THSD7B: variants seen among roughly 807,000 people sequenced by gnomAD.
The protein encoded by THSD7B is thrombospondin type 1 domain containing 7B, also known as thrombospondin type-1 domain-containing protein 7B.
THSD7B carries 138 observed loss-of-function variants against 213.6 expected under a neutral mutation model. That is an observed-to-expected ratio of 0.65 (90% CI 0.56 to 0.74). The LOEUF is 0.74. THSD7B is among the 30% of genes least tolerant of loss of function. The pLI, the probability that THSD7B is intolerant of heterozygous loss-of-function variation, is 0.00. For missense variants in THSD7B, 1,931 were observed against 1,991.5 expected (o/e 0.97, Z 0.58); for synonymous variants, 742 against 687.0 (o/e 1.08, Z -1.25).
chr2:136,936,097 A>G (rs1438645335), intron 2 of THSD7B, among the ~76,000 whole-genome samples: 2 of 151,790 alleles, frequency 1.3e-5, no homozygotes, highest in Non-Finnish European at 2.9e-5. Flanking sequence ...TACCCATTTA[A>G]TGCAAATCAA....
chr2:137,283,315 G>C (rs975275493), intron 12 of THSD7B, among the ~76,000 whole-genome samples: 2 of 152,120 alleles, frequency 1.3e-5, no homozygotes, highest in African/African-American at 4.8e-5. Flanking sequence ...CTGAGATGAT[G>C]GGGTTTTCTA....
intron 1 of THSD7B, among the ~76,000 whole-genome samples, chr2:136,806,459 G>A (rs1190356739): frequency 6.6e-6 from 1 of 152,132 alleles, no homozygotes; most frequent in Non-Finnish European, 1.5e-5. Flanking sequence ...GTACATTTAG[G>A]ATACTTAATA....
chr2:137,160,858 G>A (rs192358439), intron 6 of THSD7B, among the ~76,000 whole-genome samples: 1 of 152,128 alleles, frequency 6.6e-6, no homozygotes, highest in East Asian at 1.9e-4. Flanking sequence ...TCCTGACCTC[G>A]TGATCTGCCC....
intron 11 of THSD7B, among the ~76,000 whole-genome samples, chr2:137,275,530 C>G (rs934073056): frequency 2.7e-5 from 4 of 149,950 alleles, no homozygotes; most frequent in African/African-American, 9.8e-5. Context: ...CTCTTGTTTT[C>G]TTGTATTGTT....
chr2:136,817,536 T>G (rs1464753311), intron 1 of THSD7B, among the ~76,000 whole-genome samples: 2 of 149,680 alleles, frequency 1.3e-5, no homozygotes, highest in Non-Finnish European at 3.0e-5. Context: ...AATTGATTTT[T>G]GTATAAGGTG....
intron 2 of THSD7B, among the ~76,000 whole-genome samples, chr2:136,888,205 A>AG (rs2104997112): frequency 6.6e-6 from 1 of 152,244 alleles, no homozygotes; most frequent in African/African-American, 2.4e-5. Context: ...AAACTCTAGG[A>AG]AAGTTTTAAT....
chr2:137,427,066 C>T (rs1687076835), intron 14 of THSD7B, among the ~76,000 whole-genome samples: 1 of 151,968 alleles, frequency 6.6e-6, no homozygotes, highest in Admixed American at 6.6e-5. Context: ...CACTCGTTAT[C>T]AGAGAAATGG....
At chr2:137,402,204 A>T (rs1408291555) in intron 12 of THSD7B, among the ~76,000 whole-genome samples, 2 of 152,236 alleles carry the variant, frequency 1.3e-5, no homozygotes. Flanking sequence ...ATACTAGGGC[A>T]TGAAGAATTA....
chr2:137,633,471 TTGAG>T (rs1329319445), intron 20 of THSD7B, among the ~76,000 whole-genome samples: 2 of 152,102 alleles, frequency 1.3e-5, no homozygotes, highest in Admixed American at 1.3e-4. Flanking sequence ...TCAAACTAGT[TTGAG>T]TGGCCTAATA....
intron 20 of THSD7B, among the ~76,000 whole-genome samples, chr2:137,629,601 A>G (rs1033850516): frequency 4.6e-5 from 7 of 152,210 alleles, no homozygotes; most frequent in African/African-American, 1.2e-4. Flanking sequence ...AATCCTTAGA[A>G]TAATAAACAA....
rs193001791 is a variant in THSD7B, at chr2:137,627,962, T to C, written c.3799+7236T>C. Among the ~76,000 whole-genome samples the C allele has an allele frequency of 1.5e-3, 236 of 152,354 alleles. 3 individuals are homozygous for C. The highest frequency in any genetic ancestry group is 2.9e-4 in the Non-Finnish European group (20 of 68,024). On this transcript the variant is annotated intron_variant, in intron 20 of 27. Transcript: ENST00000409968. ...AAAGTTGTGTAAATCTAACTTCAAA[T>C]GTAGCTGTTTAAGCAATTAGCTGAA...
At chr2:137,534,022 A>T (rs900225282) in intron 15 of THSD7B, among the ~76,000 whole-genome samples, 3 of 96,764 alleles carry the variant, frequency 3.1e-5, no homozygotes, top group African/African-American at 1.0e-4. Flanking sequence ...GTGCGCGCAC[A>T]CACACACACA....
At chr2:137,088,283 A>G (rs1462670981) in intron 3 of THSD7B, among the ~76,000 whole-genome samples, 2 of 151,926 alleles carry the variant, frequency 1.3e-5, no homozygotes, top group African/African-American at 2.4e-5. Flanking sequence ...AAAAAGGTGC[A>G]TAGACCAATG....
intron 7 of THSD7B, among the ~76,000 whole-genome samples, chr2:137,179,469 T>G (rs1421834471): frequency 3.3e-5 from 5 of 151,676 alleles, no homozygotes; most frequent in African/African-American, 1.2e-4. Flanking sequence ...TATGACAGAG[T>G]AATTTATACT....
chr2:137,393,741 C>A (rs183132938), intron 12 of THSD7B, among the ~76,000 whole-genome samples: 1 of 140,902 alleles, frequency 7.1e-6, no homozygotes, highest in African/African-American at 2.6e-5. Flanking sequence ...ACCACACTGA[C>A]GTCCACAATG....
intron 21 of THSD7B, among the ~76,000 whole-genome samples, chr2:137,648,299 T>A (rs1055819550): frequency 1.3e-5 from 2 of 152,188 alleles, no homozygotes; most frequent in African/African-American, 4.8e-5. Context: ...GTCACCCTAC[T>A]GATCTATCAA....
chr2:137,114,202 C>G (rs1688403245), intron 4 of THSD7B, among the ~76,000 whole-genome samples: 1 of 152,152 alleles, frequency 6.6e-6, no homozygotes, highest in African/African-American at 2.4e-5. Flanking sequence ...AATGGGACAG[C>G]AGATATGTCA....
intron 2 of THSD7B, among the ~76,000 whole-genome samples, chr2:136,901,442 G>A (rs1189108968): frequency 6.6e-6 from 1 of 152,096 alleles, no homozygotes; most frequent in Non-Finnish European, 1.5e-5. Flanking sequence ...AAAAGCTCTA[G>A]AATATTATCT....
intron 20 of THSD7B, among the ~76,000 whole-genome samples, chr2:137,634,039 A>G (rs763451635): frequency 1.1e-4 from 16 of 152,120 alleles, no homozygotes; most frequent in Non-Finnish European, 1.5e-5. Flanking sequence ...ATTGTCTAAC[A>G]CTAGGTCACA....
Sources: gnomAD v4.1 joint callset for allele counts (sites outside exome capture counted in the v4.1 genomes callset) on GRCh38, gnomAD v4.1.1 for gene constraint, MANE v1.5 for transcripts, NCBI Gene and HGNC (gene_info 2026-07-23, HGNC 2026-07-21) for gene names.